Variants in DOK6 observed in about 807,000 individuals in gnomAD.
DOK6 encodes the protein docking protein 6.
A neutral mutation model predicts 44.0 loss-of-function variants in DOK6; 22 were observed. That is an observed-to-expected ratio of 0.50 (90% confidence interval 0.36 to 0.71). DOK6 has a LOEUF of 0.71. Among genes scored for constraint, DOK6 ranks in the 30% least tolerant of loss-of-function variants. The pLI is 0.00. For missense variants in DOK6, 340 were observed against 416.4 expected (o/e 0.82, Z 1.60); for synonymous variants, 166 against 145.5 (o/e 1.14, Z -1.01).
chr18:69,437,432 G>T (rs573338130), intron 1 of DOK6, among the ~76,000 whole-genome samples: 1 of 152,158 alleles, frequency 6.6e-6, no homozygotes, highest in Admixed American at 6.5e-5. Context: ...CCCATTGCTG[G>T]TTTTTTGTCA....
intron 3 of DOK6, among the ~76,000 whole-genome samples, chr18:69,656,395 G>A (rs1408067418): frequency 2.0e-5 from 3 of 152,280 alleles, no homozygotes; most frequent in East Asian, 3.9e-4. Flanking sequence ...ATGATGAGAC[G>A]ATATCACAAA....
At chr18:69,469,867 G>T in intron 1 of DOK6, 1 of 234,176 alleles carries the variant, frequency 4.3e-6, no homozygotes, top group South Asian at 4.1e-5. Flanking sequence ...TGTTTGTGCC[G>T]ACCCTTCCCC....
intron 5 of DOK6, among the ~76,000 whole-genome samples, chr18:69,706,285 G>A (rs1245649849): frequency 2.0e-5 from 3 of 152,220 alleles, no homozygotes; most frequent in Admixed American, 6.5e-5. Context: ...TCAAAGGCAC[G>A]GTTCATGAGT....
intron 4 of DOK6, among the ~76,000 whole-genome samples, chr18:69,690,475 A>C (rs2144695687): frequency 6.6e-6 from 1 of 152,304 alleles, no homozygotes; most frequent in South Asian, 2.1e-4. Flanking sequence ...CCGCTTTTTC[A>C]GTGTGGTTTC....
chr18:69,429,022 C>T (rs891385571), intron 1 of DOK6, among the ~76,000 whole-genome samples: 1 of 152,188 alleles, frequency 6.6e-6, no homozygotes, highest in African/African-American at 2.4e-5. Flanking sequence ...AAAGGCCTAA[C>T]ATTGCTTGGA....
chr18:69,838,944 C>T (rs1417709062), intron 7 of DOK6, among the ~76,000 whole-genome samples: 1 of 150,970 alleles, frequency 6.6e-6, no homozygotes, highest in East Asian at 2.0e-4. Context: ...ACCTTAGTTC[C>T]TTCCCTAGTC....
intron 3 of DOK6, among the ~76,000 whole-genome samples, chr18:69,619,147 G>C (rs1984380923): frequency 6.6e-6 from 1 of 152,220 alleles, no homozygotes; most frequent in African/African-American, 2.4e-5. Flanking sequence ...AGAGGAGTAA[G>C]TTGGACCTGG....
At position 69,557,923 on chromosome 18, in the gene DOK6, G is replaced by A. The variant is rs181824275; in HGVS notation, c.67-6564G>A. ...CCTTGAAAGCCAAGTAGTACCCGAA[G>A]AGACTGCCCCATCTCTTCCCACCTA... is the stretch of plus-strand genomic sequence containing the variant. On this transcript the variant is annotated intron_variant, in intron 1 of 7. Coordinates refer to ENST00000382713, the MANE Select transcript of DOK6 (RefSeq NM_152721.6). Among the ~76,000 whole-genome samples, 232 of 152,174 alleles carry A rather than the reference G, an allele frequency of 1.5e-3. 2 individuals are homozygous for A. Among genetic ancestry groups the A allele is most frequent in the African/African-American group, 5.3e-3 (221 of 41,538 alleles).
At chr18:69,708,249 G>T (rs979956394) in intron 5 of DOK6, among the ~76,000 whole-genome samples, 1 of 152,062 alleles carries the variant, frequency 6.6e-6, no homozygotes, top group Admixed American at 6.5e-5. Context: ...AATCCTTTAG[G>T]TTAATAATTT....
At chr18:69,555,353 T>A (rs1782094935) in intron 1 of DOK6, among the ~76,000 whole-genome samples, 1 of 152,166 alleles carries the variant, frequency 6.6e-6, no homozygotes, top group Admixed American at 6.5e-5. Context: ...GAGTGGGCAT[T>A]GTAGCAGTTT....
intron 1 of DOK6, among the ~76,000 whole-genome samples, chr18:69,547,745 A>T (rs1982445099): frequency 6.7e-6 from 1 of 150,370 alleles, no homozygotes; most frequent in Admixed American, 6.6e-5. Context: ...CCATCATTCT[A>T]CTCTCTCTCC....
chr18:69,678,058 G>A (rs565529423), intron 4 of DOK6, among the ~76,000 whole-genome samples: 1 of 152,230 alleles, frequency 6.6e-6, no homozygotes, highest in Admixed American at 6.5e-5. Flanking sequence ...AGACCAGCCT[G>A]GGCAACATGG....
intron 1 of DOK6, among the ~76,000 whole-genome samples, chr18:69,449,892 C>T (rs1979410704): frequency 6.6e-6 from 1 of 150,602 alleles, no homozygotes; most frequent in African/African-American, 2.4e-5. Context: ...AGGACATCCA[C>T]ACCGAAAACC....
intron 7 of DOK6, among the ~76,000 whole-genome samples, chr18:69,812,479 C>T (rs115065526): frequency 2.7e-4 from 41 of 152,176 alleles, no homozygotes; most frequent in African/African-American, 9.9e-4. Flanking sequence ...TGGCAACAAA[C>T]GGGCTGCTGT....
At chr18:69,704,623 C>T (rs1343563867) in intron 5 of DOK6, among the ~76,000 whole-genome samples, 1 of 151,868 alleles carries the variant, frequency 6.6e-6, no homozygotes, top group East Asian at 1.9e-4. Flanking sequence ...GGACTACAGG[C>T]GCCCGCCACC....
intron 5 of DOK6, among the ~76,000 whole-genome samples, chr18:69,708,646 A>G (rs1986689061): frequency 6.6e-6 from 1 of 152,066 alleles, no homozygotes; most frequent in South Asian, 2.1e-4. Flanking sequence ...ACAGCTGGGC[A>G]TGGTGGCGGA....
intron 7 of DOK6, among the ~76,000 whole-genome samples, chr18:69,778,200 A>G (rs73970263): frequency 0.018 from 2,700 of 152,304 alleles, 75 homozygotes; most frequent in African/African-American, 0.062. Flanking sequence ...TTGAACATAC[A>G]GGTTTTCCTG....
At chr18:69,436,857 TATTGTGAAATGGTATCTC>T (rs1415496918) in intron 1 of DOK6, among the ~76,000 whole-genome samples, 1 of 152,250 alleles carries the variant, frequency 6.6e-6, no homozygotes, top group East Asian at 1.9e-4. Flanking sequence ...CCATTGTAAC[TATTGTGAAATGGTATCTC>T]ATTGTGGTTT....
rs1404384676 is a variant in DOK6, at chr18:69,580,808, A to G, written c.174+16214A>G. ...TCTAGCTGTAATCTTATACCATTTA[A>G]AAAACAACTTCTCAATATTCCCCAT... On this transcript the variant is annotated intron_variant, in intron 2 of 7. Coordinates refer to ENST00000382713, the MANE Select transcript of DOK6 (RefSeq NM_152721.6). Among the ~76,000 whole-genome samples, 6 of 152,136 alleles carry G rather than the reference A, an allele frequency of 3.9e-5. No individual in the cohort carries two copies. The East Asian group carries it at 9.6e-4, about 24-fold the overall frequency.
Sources: allele counts gnomAD v4.1 joint callset (sites outside exome capture counted in the v4.1 genomes callset), GRCh38; gene constraint gnomAD v4.1.1; transcripts MANE v1.5; gene names NCBI Gene and HGNC (gene_info 2026-07-23, HGNC 2026-07-21).